Variants in ANK2 observed in about 807,000 individuals in gnomAD.
ANK2 encodes ankyrin 2.
In ANK2, 83 loss-of-function variants were observed where a neutral mutation model predicts 360.5. The observed-to-expected ratio is 0.23, with a 90% CI of 0.19 to 0.28. The LOEUF (loss-of-function observed/expected upper bound fraction) is 0.28. ANK2 is among the 10% of genes least tolerant of loss of function. ANK2 has a pLI of 1.00. For synonymous variants in ANK2, 1,740 were observed against 1,759.5 expected (o/e 0.99, Z 0.28); for missense variants, 4,201 against 4,795.7 (o/e 0.88, Z 3.66).
In ANK2 at chr4:113,357,823, T is replaced by A; in HGVS notation, c.9205T>A (p.Leu3069Met). 1.2e-6 allele frequency: 2 copies of A among 1,613,832 alleles called. No homozygotes were observed. Among genetic ancestry groups the A allele is most frequent in the Non-Finnish European group, 1.7e-6 (2 of 1,179,854 alleles). Residue 3069 changes from leucine (L) to methionine (M), a missense_variant, in exon 38 of 46, where the codon TTG becomes ATG. Physicochemically the swap from Leu to Met is conservative, Grantham distance 15 (BLOSUM62 2). Coordinates refer to ENST00000357077, the MANE Select transcript of ANK2 (RefSeq NM_001148.6). ...AGAGGAAGAACAAAAGATATTTGGT[T>A]TGATGGTAGACAGACAATCACAGGG... ...VKEEEQKIFG[L>M]MVDRQSQGTT...
chr4:112,839,236 G>A (rs965516584), intron 1 of ANK2, among the ~76,000 whole-genome samples: 3 of 152,166 alleles, frequency 2.0e-5, no homozygotes, highest in Non-Finnish European at 4.4e-5. Context: ...ACAGGTCCCA[G>A]TTTTAAAATA....
chr4:112,706,260 C>T, the ANK2 span, among the ~76,000 whole-genome samples: 3 of 152,108 alleles, frequency 2.0e-5, no homozygotes, highest in Admixed American at 2.0e-4. Context: ...ACCCCATTGT[C>T]CTCGCGTCCC....
chr4:113,322,082 C>T (rs2086614591), intron 26 of ANK2, among the ~76,000 whole-genome samples: 1 of 152,148 alleles, frequency 6.6e-6, no homozygotes, highest in Non-Finnish European at 1.5e-5. Flanking sequence ...TTTTTATGCA[C>T]ATGCCACTGA....
Position 113,196,482 on chromosome 4 carries a change from G to A in ANK2, c.285+16G>A, listed in dbSNP as rs764211120. 1.3e-6 allele frequency: 2 copies of A among 1,599,440 alleles called. No homozygotes were observed. Among genetic ancestry groups the A allele is most frequent in the Non-Finnish European group, 1.7e-6 (2 of 1,168,550 alleles). On this transcript the variant is annotated intron_variant, in intron 3 of 45. Transcript: ENST00000357077. ...TGCCACTAAGGTAACATTTATGTTG[G>A]TAGAACATTTTTTTCCTTAGAAAAG...
At chr4:113,196,850 A>G (rs908301380) in intron 3 of ANK2, among the ~76,000 whole-genome samples, 4 of 152,180 alleles carry the variant, frequency 2.6e-5, no homozygotes, top group African/African-American at 9.7e-5. Flanking sequence ...CGTACATTTC[A>G]GAGGTTGGCT....
At chr4:112,867,672 GTT>G (rs34029563) in intron 1 of ANK2, among the ~76,000 whole-genome samples, 4,440 of 135,176 alleles carry the variant, frequency 0.033, 88 homozygotes, top group Middle Eastern at 0.049. Flanking sequence ...TTTTAAGTCT[GTT>G]TTTTTTTTTT....
chr4:113,109,553 G>A (rs1404604034), intron 1 of ANK2, among the ~76,000 whole-genome samples: 1 of 152,164 alleles, frequency 6.6e-6, no homozygotes, highest in African/African-American at 2.4e-5. Flanking sequence ...TGTGCACCTT[G>A]TGTGGACATT....
intron 14 of ANK2, among the ~76,000 whole-genome samples, chr4:113,267,829 AT>A (rs2056852865): frequency 6.6e-6 from 1 of 152,168 alleles, no homozygotes; most frequent in Non-Finnish European, 1.5e-5. Flanking sequence ...GAATCTATAA[AT>A]TTCTTTGGGC....
chr4:113,369,240 T>G lies in ANK2; in HGVS notation c.11319-274T>G, dbSNP rs543412389. Among the ~76,000 whole-genome samples, 42 of 152,338 alleles carry G rather than the reference T, an allele frequency of 2.8e-4. 1 individual carries two copies. The South Asian group carries it at 8.1e-3, about 29-fold the overall frequency. On this transcript the variant is annotated intron_variant, in intron 42 of 45. Coordinates refer to ENST00000357077, the MANE Select transcript of ANK2 (RefSeq NM_001148.6). ...AGATGAAACTATAACTTATATACAT[T>G]GTAGAGGTTGGGTAACTGTAATACA...
intron 29 of ANK2, among the ~76,000 whole-genome samples, chr4:113,334,923 T>C (rs1040986098): frequency 6.6e-6 from 1 of 152,064 alleles, no homozygotes; most frequent in African/African-American, 2.4e-5. Flanking sequence ...TATTTGCCAG[T>C]GCATCAGTCT....
Position 113,330,399 on chromosome 4 carries a change from T to C in ANK2, c.3054T>C (p.Pro1018=), listed in dbSNP as rs1057520938. 6.2e-7 allele frequency: 1 copy of C among 1,614,200 alleles called. No individual in the cohort carries two copies. Among genetic ancestry groups the C allele is most frequent in the Admixed American group, 1.7e-5 (1 of 60,022 alleles). ...AGCGCCACAGACTGGCAACAATGCC[T>C]CCAATGGTGGAAGGAGAAGGCCTGG... ...LVKRHRLATM[P]PMVEGEGLAS... Residue 1018 remains proline, a synonymous_variant, in exon 27 of 46, where the codon CCT becomes CCC. Transcript: ENST00000357077.
At chr4:113,278,620 G>A (rs1282388695) in intron 17 of ANK2, 62 bp downstream of exon 17, 1 of 1,520,048 alleles carries the variant, frequency 6.6e-7, no homozygotes, top group African/African-American at 1.4e-5. Flanking sequence ...AAACACATGA[G>A]AATTGTCTTT....
intron 1 of ANK2, among the ~76,000 whole-genome samples, chr4:113,105,524 A>C (rs17045572): frequency 0.028 from 4,228 of 152,290 alleles, 92 homozygotes; most frequent in East Asian, 0.09. Flanking sequence ...AAAATTAACC[A>C]AAAATTGATC....
At chr4:113,107,970 A>G (rs912929321) in intron 1 of ANK2, among the ~76,000 whole-genome samples, 1 of 152,208 alleles carries the variant, frequency 6.6e-6, no homozygotes, top group African/African-American at 2.4e-5. Context: ...AATAAAAAAG[A>G]TGGTTAAAGT....
intron 1 of ANK2, among the ~76,000 whole-genome samples, chr4:112,887,167 G>T (rs551217923): frequency 6.2e-4 from 94 of 152,220 alleles, no homozygotes; most frequent in African/African-American, 2.1e-3. Flanking sequence ...CTGAGGCCAA[G>T]GATTTGTATT....
intron 11 of ANK2, 73 bp from the exon 12 acceptor site, chr4:113,257,977 C>A: frequency 7.6e-7 from 1 of 1,310,120 alleles, no homozygotes; most frequent in Non-Finnish European, 1.1e-6. Flanking sequence ...TTATTGCCTG[C>A]AATGTGCCAG....
At chr4:113,182,075 G>C (rs928244192) in intron 2 of ANK2, among the ~76,000 whole-genome samples, 3 of 152,190 alleles carry the variant, frequency 2.0e-5, no homozygotes, top group Non-Finnish European at 4.4e-5. Context: ...CAACAGGCAG[G>C]AGAATTGGTG....
intron 1 of ANK2, among the ~76,000 whole-genome samples, chr4:113,088,136 T>C (rs982171354): frequency 1.4e-4 from 22 of 152,328 alleles, no homozygotes; most frequent in African/African-American, 4.3e-4. Context: ...GATAAATTGC[T>C]GTGTCCCTTG....
chr4:113,256,230 G>GAAT, intron 11 of ANK2, among the ~76,000 whole-genome samples: 1 of 152,130 alleles, frequency 6.6e-6, no homozygotes, highest in African/African-American at 2.4e-5. Context: ...GAAAATAGAA[G>GAAT]TTGAAAAATA....
Sources: allele counts gnomAD v4.1 joint callset (sites outside exome capture counted in the v4.1 genomes callset), GRCh38; gene constraint gnomAD v4.1.1; transcripts MANE v1.5; gene names NCBI Gene and HGNC (gene_info 2026-07-23, HGNC 2026-07-21).